ZNF804B: variants seen among roughly 807,000 people sequenced by gnomAD.
ZNF804B encodes zinc finger protein 804B.
A neutral mutation model predicts 101.4 loss-of-function variants in ZNF804B; 80 were observed. The ratio of observed to expected loss-of-function variants is 0.79; its 90% CI spans 0.66 to 0.95. The LOEUF is 0.95. Among genes scored for constraint, ZNF804B ranks in the 40% least tolerant of loss-of-function variants. The pLI is 0.00. For missense variants in ZNF804B, 1,673 were observed against 1,561.9 expected, an observed-to-expected ratio of 1.07 and a Z score of -1.20; for synonymous variants, 622 against 558.8, an observed-to-expected ratio of 1.11 and a Z score of -1.59.
At chr7:89,192,331 T>A (rs540797431) in intron 1 of ZNF804B, among the ~76,000 whole-genome samples, 11 of 152,052 alleles carry the variant, frequency 7.2e-5, no homozygotes, top group African/African-American at 2.7e-4. Flanking sequence ...GAGTTCAAAG[T>A]ACCACTGAAA....
intron 1 of ZNF804B, among the ~76,000 whole-genome samples, chr7:88,843,145 G>A (rs1024577535): frequency 6.6e-6 from 1 of 152,072 alleles, no homozygotes; most frequent in Non-Finnish European, 1.5e-5. Flanking sequence ...TCTAGTAAGG[G>A]AACATTTGAA....
intron 2 of ZNF804B, among the ~76,000 whole-genome samples, chr7:89,275,408 C>T (rs1247749298): frequency 2.0e-5 from 3 of 151,936 alleles, no homozygotes; most frequent in Non-Finnish European, 4.4e-5. Context: ...TGGGTCAAAA[C>T]CCTCCAGCTC....
At chr7:88,796,712 G>A (rs886642586) in intron 1 of ZNF804B, among the ~76,000 whole-genome samples, 6 of 152,026 alleles carry the variant, frequency 3.9e-5, no homozygotes, top group South Asian at 2.1e-4. Context: ...TGGATCTCTC[G>A]CTCTACTTCT....
chr7:89,280,057 T>A (rs1790063101), intron 2 of ZNF804B, among the ~76,000 whole-genome samples: 1 of 152,016 alleles, frequency 6.6e-6, no homozygotes, highest in Admixed American at 6.6e-5. Context: ...TAACAAACTA[T>A]CTCTCAGACC....
chr7:89,004,376 A>G (rs1788339864), intron 1 of ZNF804B, among the ~76,000 whole-genome samples: 1 of 151,960 alleles, frequency 6.6e-6, no homozygotes, highest in Non-Finnish European at 1.5e-5. Flanking sequence ...AAGTATGATC[A>G]TAAAAATTAA....
At chr7:89,052,003 A>C (rs538035687) in intron 1 of ZNF804B, among the ~76,000 whole-genome samples, 1 of 152,184 alleles carries the variant, frequency 6.6e-6, no homozygotes, top group South Asian at 2.1e-4. Context: ...ACTTTGGGAT[A>C]TCTTTCATTT....
Position 88,863,361 on chromosome 7 carries a change from G to C in ZNF804B, c.108+103277G>C, listed in dbSNP as rs544452663. On this transcript the variant is annotated intron_variant, in intron 1 of 3. Coordinates refer to ENST00000333190, the MANE Select transcript of ZNF804B (RefSeq NM_181646.5). Reference sequence around the variant, plus strand: ...TGTTGGTGTGCCATGCCCATTCATAGCTTGAATATCAATCTGTTTTTGCCA... The same window carrying C: ...TGTTGGTGTGCCATGCCCATTCATACCTTGAATATCAATCTGTTTTTGCCA... Among the ~76,000 whole-genome samples, 368 of 152,186 alleles carry C rather than the reference G, an allele frequency of 2.4e-3. 1 individual carries two copies. The highest frequency in any genetic ancestry group is 4.2e-3 in the Non-Finnish European group (289 of 68,026).
intron 2 of ZNF804B, among the ~76,000 whole-genome samples, chr7:89,240,850 C>A (rs1388100188): frequency 1.3e-5 from 2 of 152,064 alleles, no homozygotes; most frequent in African/African-American, 4.8e-5. Context: ...GATAGGCCTT[C>A]ATTATTCCAA....
intron 1 of ZNF804B, among the ~76,000 whole-genome samples, chr7:89,123,287 T>G (rs10269383): frequency 6.6e-6 from 1 of 151,258 alleles, no homozygotes; most frequent in Non-Finnish European, 1.5e-5. Context: ...AGACAAGCAA[T>G]TAAAATAAAG....
intron 1 of ZNF804B, among the ~76,000 whole-genome samples, chr7:88,997,981 A>G (rs13221148): frequency 0.14 from 21,103 of 151,474 alleles, 1,904 homozygotes; most frequent in East Asian, 0.27. Context: ...AGATCTTAGC[A>G]CTCTTATTAG....
At chr7:88,768,281 C>T (rs894883969) in intron 1 of ZNF804B, among the ~76,000 whole-genome samples, 6 of 152,296 alleles carry the variant, frequency 3.9e-5, no homozygotes, top group African/African-American at 1.4e-4. Flanking sequence ...TAATGAATTA[C>T]TGTGAATACC....
At chr7:88,912,176 TCAA>T (rs1361913540) in intron 1 of ZNF804B, among the ~76,000 whole-genome samples, 1 of 152,044 alleles carries the variant, frequency 6.6e-6, no homozygotes, top group Non-Finnish European at 1.5e-5. Context: ...CATATAGTCA[TCAA>T]CAATTGTTGT....
intron 2 of ZNF804B, among the ~76,000 whole-genome samples, chr7:89,285,861 C>T (rs1270722061): frequency 6.6e-6 from 1 of 152,180 alleles, no homozygotes; most frequent in African/African-American, 2.4e-5. Context: ...AAAACCTGGA[C>T]AAAGCCTCCA....
At chr7:89,010,341 T>A (rs1419457118) in intron 1 of ZNF804B, among the ~76,000 whole-genome samples, 2 of 152,136 alleles carry the variant, frequency 1.3e-5, no homozygotes, top group Non-Finnish European at 2.9e-5. Context: ...ACAGTATTGA[T>A]TAAGTGGCTG....
At chr7:88,996,129 A>G (rs569890077) in intron 1 of ZNF804B, among the ~76,000 whole-genome samples, 81 of 152,184 alleles carry the variant, frequency 5.3e-4, no homozygotes, top group African/African-American at 1.9e-3. Context: ...TTGTATATCA[A>G]TATTGATTCA....
chr7:89,166,306 C>T (rs1047852937), intron 1 of ZNF804B, among the ~76,000 whole-genome samples: 7 of 152,032 alleles, frequency 4.6e-5, no homozygotes, highest in African/African-American at 1.7e-4. Context: ...GTCGAAAATC[C>T]AGGTATAATT....
At chr7:89,196,767 C>G (rs1788559632) in intron 1 of ZNF804B, among the ~76,000 whole-genome samples, 1 of 151,576 alleles carries the variant, frequency 6.6e-6, no homozygotes, top group African/African-American at 2.4e-5. Context: ...GGAACTTAAA[C>G]AAAATAACAG....
chr7:88,867,492 C>A (rs1261080040), intron 1 of ZNF804B, among the ~76,000 whole-genome samples: 2 of 152,190 alleles, frequency 1.3e-5, no homozygotes, highest in South Asian at 2.1e-4. Context: ...CTTTGTTCAT[C>A]TGCATGCTTC....
At chr7:88,795,064 AGT>A in intron 1 of ZNF804B, 2 of 802,938 alleles carry the variant, frequency 2.5e-6, no homozygotes, top group South Asian at 2.8e-5. Flanking sequence ...AAAAAAAAAG[AGT>A]AAATCACGGT....
Sources: gnomAD v4.1 joint callset for allele counts (sites outside exome capture counted in the v4.1 genomes callset) on GRCh38, gnomAD v4.1.1 for gene constraint, MANE v1.5 for transcripts, NCBI Gene and HGNC (gene_info 2026-07-23, HGNC 2026-07-21) for gene names.